GPC6: variants seen among roughly 807,000 people sequenced by gnomAD.
GPC6 encodes glypican-6.
In GPC6, 14 loss-of-function variants were observed where a neutral mutation model predicts 55.2. The observed-to-expected ratio is 0.25, with a 90% CI of 0.17 to 0.40. The LOEUF is 0.40. GPC6 is among the 10% of genes least tolerant of loss of function. GPC6 has a pLI of 1.00. For synonymous variants in GPC6, 278 were observed against 259.6 expected (o/e 1.07, Z -0.68); for missense variants, 641 against 708.5 (o/e 0.90, Z 1.08).
intron 2 of GPC6, among the ~76,000 whole-genome samples, chr13:93,767,055 T>C (rs1202969653): frequency 6.6e-6 from 1 of 152,082 alleles, no homozygotes; most frequent in Non-Finnish European, 1.5e-5. Context: ...CCAGAACTAG[T>C]GTTGATATTG....
At chr13:93,648,605 GA>G (rs1385979338) in intron 2 of GPC6, among the ~76,000 whole-genome samples, 4 of 152,292 alleles carry the variant, frequency 2.6e-5, no homozygotes, top group Admixed American at 2.6e-4. Flanking sequence ...TGCAGAGACT[GA>G]TAAAAATGTT....
At chr13:93,424,771 T>C (rs1239920876) in intron 1 of GPC6, among the ~76,000 whole-genome samples, 1 of 152,180 alleles carries the variant, frequency 6.6e-6, no homozygotes, top group Non-Finnish European at 1.5e-5. Flanking sequence ...AATTATTTTA[T>C]TCCAGTTTAG....
At chr13:94,100,117 A>C (rs1388154452) in intron 4 of GPC6, among the ~76,000 whole-genome samples, 3 of 152,210 alleles carry the variant, frequency 2.0e-5, no homozygotes, top group African/African-American at 7.2e-5. Context: ...ATTGTTAATA[A>C]GAAACTGCAG....
chr13:93,250,372 A>G (rs1876743846), intron 1 of GPC6, among the ~76,000 whole-genome samples: 1 of 152,138 alleles, frequency 6.6e-6, no homozygotes. Context: ...TGGCCTGCAT[A>G]TCTGGGGGTG....
At chr13:93,418,672 T>TATC (rs1256324437) in intron 1 of GPC6, among the ~76,000 whole-genome samples, 1 of 151,456 alleles carries the variant, frequency 6.6e-6, no homozygotes, top group East Asian at 2.0e-4. Flanking sequence ...TATACCGTAG[T>TATC]ATTTTATTAA....
At chr13:93,674,947 T>G (rs1187166610) in intron 2 of GPC6, among the ~76,000 whole-genome samples, 2 of 152,124 alleles carry the variant, frequency 1.3e-5, no homozygotes, top group Admixed American at 6.5e-5. Flanking sequence ...AAAGAAAAGG[T>G]GTTGTTTTGT....
In GPC6 at chr13:93,616,318, GA is replaced by G. The variant is rs374020282; in HGVS notation, c.319+70900del. ...CAGAGGATGTACGAATACTTTAATGGAAATTTATTGGAGATGAGAAATTATG... is the reference window on the plus strand; with the variant it reads ...CAGAGGATGTACGAATACTTTAATGGAATTTATTGGAGATGAGAAATTATG... On this transcript the variant is annotated intron_variant, in intron 2 of 8. Transcript: ENST00000377047. Among the ~76,000 whole-genome samples the G allele has an allele frequency of 5.9e-3, 893 of 152,148 alleles. 15 individuals carry two copies. The highest frequency in any genetic ancestry group is 0.02 in the African/African-American group (838 of 41,542).
intron 3 of GPC6, among the ~76,000 whole-genome samples, chr13:93,971,715 C>A (rs1028904576): frequency 6.6e-5 from 10 of 152,248 alleles, no homozygotes; most frequent in Admixed American, 3.9e-4. Context: ...GCCAGTGTGG[C>A]TTTTGGCTTT....
intron 1 of GPC6, among the ~76,000 whole-genome samples, chr13:93,470,964 T>C (rs1224624013): frequency 6.6e-6 from 1 of 152,126 alleles, no homozygotes; most frequent in Non-Finnish European, 1.5e-5. Flanking sequence ...TTAATGTCTG[T>C]AGGGTCTATA....
At chr13:94,354,490 C>A (rs1303665515) in intron 6 of GPC6, among the ~76,000 whole-genome samples, 1 of 152,128 alleles carries the variant, frequency 6.6e-6, no homozygotes, top group Non-Finnish European at 1.5e-5. Context: ...ATAGGATGAT[C>A]AAAATAAATT....
At chr13:93,520,908 GTC>G (rs954692643) in intron 1 of GPC6, among the ~76,000 whole-genome samples, 1 of 151,844 alleles carries the variant, frequency 6.6e-6, no homozygotes, top group African/African-American at 2.4e-5. Flanking sequence ...TTTTACTTCT[GTC>G]TCGGAACTGA....
At chr13:93,767,096 T>C (rs1885150332) in intron 2 of GPC6, among the ~76,000 whole-genome samples, 1 of 152,170 alleles carries the variant, frequency 6.6e-6, no homozygotes, top group African/African-American at 2.4e-5. Context: ...AGTGACATAA[T>C]TATTTCTTTT....
At chr13:93,490,393 T>A (rs1879920281) in intron 1 of GPC6, among the ~76,000 whole-genome samples, 1 of 150,156 alleles carries the variant, frequency 6.7e-6, no homozygotes, top group Non-Finnish European at 1.5e-5. Flanking sequence ...ATAACATATA[T>A]ATGATGTACT....
intron 2 of GPC6, among the ~76,000 whole-genome samples, chr13:93,581,292 C>G (rs1876925330): frequency 1.3e-5 from 2 of 152,148 alleles, no homozygotes; most frequent in South Asian, 4.1e-4. Flanking sequence ...TTTCTTTCCT[C>G]ATATTGTTGC....
At chr13:93,480,509 C>T (rs1194292459) in intron 1 of GPC6, among the ~76,000 whole-genome samples, 2 of 152,114 alleles carry the variant, frequency 1.3e-5, no homozygotes, top group Non-Finnish European at 2.9e-5. Flanking sequence ...TTATAATTTA[C>T]ACACAATAAA....
At chr13:94,036,127 T>C (rs1594684551) in intron 4 of GPC6, among the ~76,000 whole-genome samples, 1 of 152,036 alleles carries the variant, frequency 6.6e-6, no homozygotes, top group East Asian at 1.9e-4. Context: ...TAAGTATTAA[T>C]GGAAGTAATT....
intron 4 of GPC6, among the ~76,000 whole-genome samples, chr13:94,138,329 T>G (rs193004681): frequency 6.6e-6 from 1 of 152,236 alleles, no homozygotes; most frequent in East Asian, 1.9e-4. Flanking sequence ...ATATAAACTT[T>G]AATAATCACC....
At chr13:94,077,492 A>C (rs144537235) in intron 4 of GPC6, among the ~76,000 whole-genome samples, 23 of 151,846 alleles carry the variant, frequency 1.5e-4, no homozygotes, top group African/African-American at 5.3e-4. Flanking sequence ...TGCACTGGCT[A>C]AGATTTCTAG....
intron 6 of GPC6, 121 bp from the exon 7 acceptor site, chr13:94,382,293 G>T: frequency 9.6e-7 from 1 of 1,043,716 alleles, no homozygotes. Context: ...TCTTAAAACT[G>T]TTAAAGAGTT....
Sources: allele counts gnomAD v4.1 joint callset (sites outside exome capture counted in the v4.1 genomes callset), GRCh38; gene constraint gnomAD v4.1.1; transcripts MANE v1.5; gene names NCBI Gene and HGNC (gene_info 2026-07-23, HGNC 2026-07-21).